MROH2B: variants seen among roughly 807,000 people sequenced by gnomAD.
MROH2B encodes maestro heat-like repeat-containing protein family member 2B.
A neutral mutation model predicts 208.6 loss-of-function variants in MROH2B; 177 were observed. That is an observed-to-expected ratio of 0.85 (90% CI 0.75 to 0.96). The LOEUF (loss-of-function observed/expected upper bound fraction) is 0.96, where lower values mean the gene tolerates loss of function less well. Among genes scored for constraint, MROH2B ranks in the 40% least tolerant of loss-of-function variants. MROH2B has a pLI of 0.00. For synonymous variants in MROH2B, 728 were observed against 659.0 expected (o/e 1.10, Z -1.60); for missense variants, 2,002 against 1,878.7 (o/e 1.07, Z -1.21).
chr5:41,064,344 A>G (rs983495317), intron 5 of MROH2B, 128 bp downstream of exon 5: 7 of 705,704 alleles, frequency 9.9e-6, no homozygotes, highest in East Asian at 2.7e-5. Context: ...TAGGCACTCA[A>G]TAAGTGGCAG....
At position 41,060,510 on chromosome 5, in the gene MROH2B, AC is replaced by A. The variant is rs200660163; in HGVS notation, c.615+1059del. Among the ~76,000 whole-genome samples the A allele has an allele frequency of 3.9e-3, 598 of 151,772 alleles. 7 individuals carry two copies. The highest frequency in any genetic ancestry group is 0.013 in the African/African-American group (549 of 41,330). ...CCCTTCTCCATCTCCCATCACACTC[AC>A]TCAGGTGTTCATGCTTCCCCATTTT... On this transcript the variant is annotated intron_variant, in intron 6 of 41. Transcript: ENST00000399564.
intron 12 of MROH2B, 62 bp from the exon 13 acceptor site, chr5:41,051,152 T>C: frequency 9.3e-7 from 1 of 1,078,186 alleles, no homozygotes; most frequent in Non-Finnish European, 1.3e-6. Context: ...CCTCTGACTT[T>C]CCTTGGGTGT....
rs1176122871 is a variant in MROH2B at position 41,038,759 on chromosome 5, A to C, written c.2191T>G (p.Ser731Ala). The change falls in exon 21 of 42, where the codon TCT becomes GCT. Residue 731 changes from serine to alanine, a missense_variant. Ser to Ala is a moderately conservative substitution (Grantham distance 99, BLOSUM62 1). Coordinates refer to ENST00000399564, the MANE Select transcript of MROH2B (RefSeq NM_173489.5). ...ACCTGAGAGCACTGGCCATGAAGAG[A>C]CAGGACTTGGGATATGATATCTTGA... ...LNQDIISQVL[S>A]LHGQCSQVLG... 6.2e-7 allele frequency: 1 copy of C among 1,612,786 alleles called. No homozygotes were observed. The highest frequency in any genetic ancestry group is 1.7e-5 in the Admixed American group (1 of 59,954).
At chr5:41,042,542 T>C (rs180749633) in intron 18 of MROH2B, among the ~76,000 whole-genome samples, 151 of 152,340 alleles carry the variant, frequency 9.9e-4, no homozygotes, top group Middle Eastern at 3.4e-3. Flanking sequence ...GTATAGTTCC[T>C]GATTGTTAAT....
chr5:41,000,729 GCT>G lies in MROH2B; in HGVS notation c.4297_4298del (p.Ser1433ProfsTer21). 6.2e-7 allele frequency: 1 copy of G among 1,612,282 alleles called. No individual in the cohort carries two copies. The highest frequency in any genetic ancestry group is 8.5e-7 in the Non-Finnish European group (1 of 1,179,298). ...AAAGGTGCAGAAGGAATGAAATCAG[GCT>G]CTTTTTTATTTCTTCAGCAAAAAAA... ...KIFFAEEIKK[S>X]LISFLLHLWD... On this transcript the variant is annotated frameshift_variant, in exon 38 of 42. Coordinates refer to ENST00000399564, the MANE Select transcript of MROH2B (RefSeq NM_173489.5). LOFTEE classifies it high-confidence loss of function.
At chr5:41,021,736 G>A (rs1330725696) in intron 24 of MROH2B, among the ~76,000 whole-genome samples, 1 of 152,052 alleles carries the variant, frequency 6.6e-6, no homozygotes, top group Admixed American at 6.6e-5. Context: ...AATGAGCTGG[G>A]CGTGGTGGTG....
In MROH2B at chr5:41,021,849, C is replaced by A. The variant is rs548126239; in HGVS notation, c.2442-2831G>T. Among the ~76,000 whole-genome samples, 18 of 152,136 alleles carry A rather than the reference C, an allele frequency of 1.2e-4. No homozygotes were observed. The East Asian group carries it at 3.5e-3, about 29-fold the overall frequency. ...CGAGATTGTGCCACTGCACTCCAGC[C>A]TGGATGACAGAGTGAGACCCCGTCT... On this transcript the variant is annotated intron_variant, in intron 24 of 41. Transcript: ENST00000399564.
intron 24 of MROH2B, among the ~76,000 whole-genome samples, chr5:41,029,009 C>T (rs530643186): frequency 6.6e-6 from 1 of 152,148 alleles, no homozygotes; most frequent in Admixed American, 6.6e-5. Context: ...ATTGCTGGGT[C>T]ATATAGTAAT....
intron 32 of MROH2B, 150 bp from the exon 33 acceptor site, chr5:41,008,943 C>A: frequency 1.2e-6 from 1 of 822,826 alleles, no homozygotes; most frequent in South Asian, 1.9e-5. Flanking sequence ...AACTCAGGGC[C>A]TGCCATGTTA....
At chr5:41,005,425 CTTGAAGTCTCTCTT>C (rs1741553789) in intron 35 of MROH2B, 92 bp downstream of exon 35, 120 of 216,664 alleles carry the variant, frequency 5.5e-4, no homozygotes, top group Middle Eastern at 1.7e-3. Flanking sequence ...CCCCCCCCCC[CTTGAAGTCTCTCTT>C]CCCTGGTTCC....
At chr5:41,023,036 C>T (rs1322360864) in intron 24 of MROH2B, among the ~76,000 whole-genome samples, 30 of 152,134 alleles carry the variant, frequency 2.0e-4, no homozygotes, top group Admixed American at 1.8e-3. Context: ...ACCAAAACCC[C>T]GTCTGTACAT....
chr5:41,070,681 T>C, intron 1 of MROH2B, 144 bp downstream of exon 1: 1 of 732,838 alleles, frequency 1.4e-6, no homozygotes, highest in African/African-American at 1.8e-5. Context: ...TTATTATGTA[T>C]TTAGCATACC....
At chr5:41,059,876 G>A (rs1743581177) in intron 6 of MROH2B, among the ~76,000 whole-genome samples, 1 of 152,124 alleles carries the variant, frequency 6.6e-6, no homozygotes, top group African/African-American at 2.4e-5. Flanking sequence ...TTATTTGGTT[G>A]TCACTTATGC....
chr5:41,018,866 G>T lies in MROH2B; in HGVS notation c.2577+17C>A. 1.9e-6 allele frequency: 3 copies of T among 1,613,790 alleles called. No homozygotes were observed. The South Asian group carries it at 3.3e-5, about 18-fold the overall frequency. ...CACTGCAGACTGTCATCCTACTTAG[G>T]CCTCACTAGTGCATACTTGAATGTG... On this transcript the variant is annotated intron_variant, in intron 25 of 41. Transcript: ENST00000399564.
In MROH2B at chr5:41,061,583, G is replaced by T. The variant is rs1167085021; in HGVS notation, c.602C>A (p.Ala201Asp). The change falls in exon 6 of 42, where the codon GCC becomes GAC. Residue 201 changes from alanine (A) to aspartate (D), a missense_variant. Transcript: ENST00000399564. ...AGGCCCACTCACCTGCATGGGTGAGGCCAAAGGGGCCCACTTCTCCATTAT... is the reference window on the plus strand; with the variant it reads ...AGGCCCACTCACCTGCATGGGTGAGTCCAAAGGGGCCCACTTCTCCATTAT... ...WYIMEKWAPL[A>D]SPMQTLSIVK... 1 of 1,612,948 alleles carries T rather than the reference G, an allele frequency of 6.2e-7. No homozygotes were observed. The highest frequency in any genetic ancestry group is 8.5e-7 in the Non-Finnish European group (1 of 1,179,422).
At chr5:41,034,613 C>A (rs1742692755) in intron 21 of MROH2B, among the ~76,000 whole-genome samples, 2 of 151,910 alleles carry the variant, frequency 1.3e-5, no homozygotes, top group African/African-American at 4.8e-5. Context: ...AGGTAAAATG[C>A]CATTTTTTTG....
intron 1 of MROH2B, among the ~76,000 whole-genome samples, chr5:41,070,549 A>G (rs1170618500): frequency 6.6e-6 from 1 of 152,282 alleles, no homozygotes; most frequent in East Asian, 1.9e-4. Flanking sequence ...ATTTAAAATT[A>G]AATAACAAAC....
Position 40,998,209 on chromosome 5 carries a change from C to T in MROH2B, c.4652-51G>A. The T allele has an allele frequency of 2.0e-6, 3 of 1,494,354 alleles. No individual in the cohort carries two copies. The South Asian group carries it at 3.5e-5, about 17-fold the overall frequency. 92.6% of individuals were successfully genotyped at this position (1,494,354 alleles called of 1,614,324 possible). A position where few individuals can be genotyped will look rare whatever the true frequency, so the allele number is the denominator to read the frequency against. ...GTGGAGGAGGAGAGTCAGAGCCCAGCAAGAAGGGCAAACCAAGCCAAGGCC... is the reference window on the plus strand; with the variant it reads ...GTGGAGGAGGAGAGTCAGAGCCCAGTAAGAAGGGCAAACCAAGCCAAGGCC... On this transcript the variant is annotated intron_variant, in intron 41 of 41. Coordinates refer to ENST00000399564, the MANE Select transcript of MROH2B (RefSeq NM_173489.5).
intron 6 of MROH2B, among the ~76,000 whole-genome samples, chr5:41,060,180 C>T (rs1407545348): frequency 6.6e-6 from 1 of 152,148 alleles, no homozygotes; most frequent in Non-Finnish European, 1.5e-5. Flanking sequence ...GCATCTGACT[C>T]CTCTGATCAG....
Sources: allele counts gnomAD v4.1 joint callset (sites outside exome capture counted in the v4.1 genomes callset), GRCh38; gene constraint gnomAD v4.1.1; transcripts MANE v1.5; gene names NCBI Gene and HGNC (gene_info 2026-07-23, HGNC 2026-07-21).